PITPNB: variants seen among roughly 807,000 people sequenced by gnomAD.
PITPNB encodes the protein phosphatidylinositol transfer protein beta.
Under a neutral mutation model 45.9 loss-of-function variants are expected in PITPNB, and 16 were observed. The observed-to-expected ratio is 0.35, with a 90% CI of 0.24 to 0.53. The LOEUF (loss-of-function observed/expected upper bound fraction) is 0.53. Ranked by LOEUF, PITPNB falls within the 20% of genes least tolerant of loss-of-function variation. PITPNB has a pLI of 0.93. For missense variants in PITPNB, 188 were observed against 330.5 expected (o/e 0.57, Z 3.34); for synonymous variants, 112 against 108.9 (o/e 1.03, Z -0.18).
intron 7 of PITPNB, 192 bp downstream of exon 7, chr22:27,894,363 C>T (rs1935375201): frequency 2.5e-6 from 1 of 406,248 alleles, no homozygotes; most frequent in Non-Finnish European, 4.4e-6. Flanking sequence ...AAACAAATCG[C>T]CTTCTCTCTT....
chr22:27,885,212 T>TTAAAAAAAAAAA (rs1569019261), intron 7 of PITPNB, among the ~76,000 whole-genome samples: 6 of 30,192 alleles, frequency 2.0e-4, no homozygotes, highest in East Asian at 2.4e-3. Flanking sequence ...AATTTATACC[T>TTAAAAAAAAAAA]AAAAAAAAAA....
In PITPNB at chr22:27,899,797, C is replaced by G. The variant is rs139011841; in HGVS notation, c.198-1905G>C. ...CCTTTAAGTGTGGGTGAGGTCTAAT[C>G]AGGGTACAATGGAACACATGAGGAT... On this transcript the variant is annotated intron_variant, in intron 3 of 11. Coordinates refer to ENST00000335272, the MANE Select transcript of PITPNB (RefSeq NM_012399.5). Among the ~76,000 whole-genome samples, 82 of 152,308 alleles carry G rather than the reference C, an allele frequency of 5.4e-4. 1 individual carries two copies. In the East Asian group the frequency reaches 0.014, roughly 25 times the overall value.
intron 7 of PITPNB, 38 bp downstream of exon 7, chr22:27,894,503 TAATTTTTAACTGTA>T: frequency 2.0e-6 from 2 of 989,402 alleles, no homozygotes; most frequent in Non-Finnish European, 3.2e-6. Context: ...TAGTAGAAAA[TAATTTTTAACTGTA>T]AAAGGGAACA....
chr22:27,914,811 T>C (rs1374215098), intron 1 of PITPNB, among the ~76,000 whole-genome samples: 1 of 152,092 alleles, frequency 6.6e-6, no homozygotes, highest in Non-Finnish European at 1.5e-5. Context: ...CAGAAACTGT[T>C]CCCCCACTAT....
At chr22:27,917,998 G>T (rs902304949) in intron 1 of PITPNB, among the ~76,000 whole-genome samples, 1 of 152,186 alleles carries the variant, frequency 6.6e-6, no homozygotes, top group African/African-American at 2.4e-5. Flanking sequence ...GGGAACAAAA[G>T]CAGGTGGAAA....
chr22:27,897,685 T>C, intron 4 of PITPNB, 116 bp downstream of exon 4: 1 of 735,028 alleles, frequency 1.4e-6, no homozygotes. Flanking sequence ...GCAGTGACTA[T>C]CCAAGAACCC....
intron 8 of PITPNB, among the ~76,000 whole-genome samples, chr22:27,869,076 T>TACAC (rs150737268): frequency 2.3e-4 from 34 of 150,008 alleles, no homozygotes; most frequent in African/African-American, 2.9e-4. Flanking sequence ...TGGAAACAGG[T>TACAC]ACACACACAC....
intron 7 of PITPNB, among the ~76,000 whole-genome samples, chr22:27,892,517 G>A (rs1315181441): frequency 1.3e-5 from 2 of 152,088 alleles, no homozygotes; most frequent in Non-Finnish European, 2.9e-5. Context: ...CAGGGCACCC[G>A]ATCCTGGTGT....
intron 10 of PITPNB, among the ~76,000 whole-genome samples, chr22:27,856,524 C>A (rs1169842282): frequency 2.0e-5 from 3 of 152,218 alleles, no homozygotes; most frequent in Non-Finnish European, 4.4e-5. Context: ...AAATCTCAGT[C>A]AAGTTCTGTC....
At chr22:27,906,230 G>GT (rs1369976065) in intron 3 of PITPNB, among the ~76,000 whole-genome samples, 2 of 152,216 alleles carry the variant, frequency 1.3e-5, no homozygotes, top group Non-Finnish European at 2.9e-5. Flanking sequence ...GGGCTGAACA[G>GT]TTTATGTTAG....
chr22:27,896,987 T>C, intron 5 of PITPNB, 143 bp downstream of exon 5: 1 of 722,802 alleles, frequency 1.4e-6, no homozygotes. Flanking sequence ...GAACATGTGG[T>C]AGAGTGTGGC....
chr22:27,863,371 T>A (rs1934394594), intron 8 of PITPNB, among the ~76,000 whole-genome samples: 1 of 152,148 alleles, frequency 6.6e-6, no homozygotes, highest in Non-Finnish European at 1.5e-5. Context: ...GGGCTGTAGG[T>A]GGTAAACATT....
intron 7 of PITPNB, among the ~76,000 whole-genome samples, chr22:27,893,572 C>T (rs552098293): frequency 6.9e-6 from 1 of 145,120 alleles, no homozygotes; most frequent in South Asian, 2.2e-4. Flanking sequence ...CTTGAGCCAC[C>T]ATGTCTAGCC....
intron 7 of PITPNB, among the ~76,000 whole-genome samples, chr22:27,875,837 T>C (rs1156932449): frequency 2.6e-5 from 4 of 152,076 alleles, no homozygotes; most frequent in Non-Finnish European, 5.9e-5. Context: ...ATCAGTCTAG[T>C]TGGGATAAAG....
intron 11 of PITPNB, among the ~76,000 whole-genome samples, chr22:27,854,039 C>T (rs1252494677): frequency 6.6e-6 from 1 of 151,804 alleles, no homozygotes; most frequent in Non-Finnish European, 1.5e-5. Context: ...CACAACTGAA[C>T]ATTTCATTCA....
chr22:27,891,486 G>A (rs762016279), intron 7 of PITPNB, among the ~76,000 whole-genome samples: 3 of 152,164 alleles, frequency 2.0e-5, no homozygotes, highest in Admixed American at 6.5e-5. Flanking sequence ...CACACTGGCT[G>A]TATGATAAGA....
At chr22:27,893,220 A>G (rs1439620194) in intron 7 of PITPNB, among the ~76,000 whole-genome samples, 1 of 152,138 alleles carries the variant, frequency 6.6e-6, no homozygotes, top group Non-Finnish European at 1.5e-5. Flanking sequence ...CACTTAGCAC[A>G]CTATAAAGTA....
At chr22:27,871,456 T>G (rs1008858800) in intron 8 of PITPNB, among the ~76,000 whole-genome samples, 6 of 152,260 alleles carry the variant, frequency 3.9e-5, no homozygotes, top group African/African-American at 7.2e-5. Flanking sequence ...CAGCTAGAGC[T>G]ACTACTCACT....
intron 1 of PITPNB, among the ~76,000 whole-genome samples, chr22:27,918,075 G>A (rs528135019): frequency 2.4e-4 from 36 of 152,258 alleles, no homozygotes; most frequent in African/African-American, 7.2e-4. Context: ...GATGGAATGG[G>A]CAAGGAAAAG....
Sources: allele counts gnomAD v4.1 joint callset (sites outside exome capture counted in the v4.1 genomes callset), GRCh38; gene constraint gnomAD v4.1.1; transcripts MANE v1.5; gene names NCBI Gene and HGNC (gene_info 2026-07-23, HGNC 2026-07-21).